LRRC4C: variants seen among roughly 807,000 people sequenced by gnomAD.
LRRC4C encodes the protein leucine rich repeat containing 4C.
Under a neutral mutation model 33.6 loss-of-function variants are expected in LRRC4C, and 5 were observed. That is an observed-to-expected ratio of 0.15 (90% CI 0.08 to 0.31). The LOEUF is 0.31. LRRC4C is among the 10% of genes least tolerant of loss of function. The pLI is 1.00. For missense variants in LRRC4C, 560 were observed against 796.7 expected, an observed-to-expected ratio of 0.70 and a Z score of 3.58; for synonymous variants, 329 against 302.0, an observed-to-expected ratio of 1.09 and a Z score of -0.93.
chr11:40,682,257 G>T (rs1944726646), intron 2 of LRRC4C, among the ~76,000 whole-genome samples: 1 of 148,924 alleles, frequency 6.7e-6, no homozygotes, highest in East Asian at 2.0e-4. Context: ...GTGACAAAGT[G>T]AGGCCCCACC....
chr11:40,940,817 T>C (rs1471828370), intron 1 of LRRC4C, among the ~76,000 whole-genome samples: 3 of 152,094 alleles, frequency 2.0e-5, no homozygotes, highest in Non-Finnish European at 4.4e-5. Flanking sequence ...CATATCCAGT[T>C]ACTAATTATG....
chr11:40,192,764 G>A (rs571704894), intron 5 of LRRC4C, among the ~76,000 whole-genome samples: 6 of 152,214 alleles, frequency 3.9e-5, no homozygotes, highest in Non-Finnish European at 4.4e-5. Context: ...GAGCTTGGTG[G>A]GGGGAGGGGC....
intron 2 of LRRC4C, among the ~76,000 whole-genome samples, 153 bp downstream of exon 2, chr11:40,933,482 C>T (rs529582998): frequency 1.3e-5 from 2 of 152,372 alleles, no homozygotes; most frequent in Admixed American, 6.5e-5. Context: ...GTTGCACTCA[C>T]TTACATTCCG....
At chr11:41,105,068 G>A (rs1023849168) in intron 1 of LRRC4C, among the ~76,000 whole-genome samples, 14 of 151,768 alleles carry the variant, frequency 9.2e-5, no homozygotes, top group African/African-American at 3.1e-4. Context: ...AAAATAAATG[G>A]GTTTATTGTA....
intron 3 of LRRC4C, among the ~76,000 whole-genome samples, chr11:40,642,693 C>A (rs1406179340): frequency 6.6e-6 from 1 of 152,168 alleles, no homozygotes; most frequent in Non-Finnish European, 1.5e-5. Flanking sequence ...TAAATGAATT[C>A]ATTTAATAAT....
At chr11:41,036,077 T>TA (rs5791413) in intron 1 of LRRC4C, among the ~76,000 whole-genome samples, 18 of 150,490 alleles carry the variant, frequency 1.2e-4, no homozygotes, top group African/African-American at 2.9e-4. Flanking sequence ...GTTGTTTTTC[T>TA]AAAAAAAAAA....
intron 1 of LRRC4C, among the ~76,000 whole-genome samples, chr11:41,357,884 T>C (rs1181536077): frequency 6.6e-6 from 1 of 152,120 alleles, no homozygotes; most frequent in Non-Finnish European, 1.5e-5. Context: ...AGAGAGTTAT[T>C]TTGTGGATGT....
chr11:40,954,825 A>G (rs1356421115), intron 1 of LRRC4C, among the ~76,000 whole-genome samples: 1 of 151,752 alleles, frequency 6.6e-6, no homozygotes, highest in Non-Finnish European at 1.5e-5. Context: ...CACTGGAGGT[A>G]ATTTTGGGTC....
At chr11:40,673,896 G>T (rs181300108) in intron 2 of LRRC4C, among the ~76,000 whole-genome samples, 2 of 152,294 alleles carry the variant, frequency 1.3e-5, no homozygotes, top group African/African-American at 4.8e-5. Flanking sequence ...AGATACCAGT[G>T]TTGGTTCTGC....
chr11:40,698,720 A>T (rs1332061251), intron 2 of LRRC4C, among the ~76,000 whole-genome samples: 1 of 152,164 alleles, frequency 6.6e-6, no homozygotes, highest in Non-Finnish European at 1.5e-5. Flanking sequence ...GAGGTTTAAT[A>T]AACTCATAGT....
At chr11:40,554,736 C>CT (rs34678892) in intron 3 of LRRC4C, among the ~76,000 whole-genome samples, 66 of 88,322 alleles carry the variant, frequency 7.5e-4, no homozygotes, top group Non-Finnish European at 9.1e-4. Context: ...GGATTGCATT[C>CT]TTTTTTTTTT....
At chr11:41,449,274 G>C (rs1955940706) in intron 1 of LRRC4C, among the ~76,000 whole-genome samples, 1 of 152,174 alleles carries the variant, frequency 6.6e-6, no homozygotes, top group African/African-American at 2.4e-5. Flanking sequence ...TGTTGGAAAA[G>C]TTGGAGCTAA....
At chr11:40,445,345 G>A (rs1200029719) in intron 3 of LRRC4C, 2 of 152,856 alleles carry the variant, frequency 1.3e-5, no homozygotes, top group African/African-American at 2.4e-5. Flanking sequence ...CATTCATAAG[G>A]GTTTCCACTT....
intron 1 of LRRC4C, among the ~76,000 whole-genome samples, chr11:41,224,232 C>T (rs551351552): frequency 4.6e-5 from 7 of 152,300 alleles, no homozygotes; most frequent in East Asian, 1.9e-4. Flanking sequence ...TACTGACCAA[C>T]CTCTACCTCC....
At position 41,448,467 on chromosome 11, in the gene LRRC4C, G is replaced by T. The variant is rs569781894; in HGVS notation, c.-496+10964C>A. Among the ~76,000 whole-genome samples the T allele has an allele frequency of 2.2e-4, 34 of 151,826 alleles. 1 individual carries two copies. Among genetic ancestry groups the T allele is most frequent in the African/African-American group, 7.5e-4 (31 of 41,410 alleles). On this transcript the variant is annotated intron_variant, in intron 1 of 6. Transcript: ENST00000528697. Reference sequence around the variant, plus strand: ...ATTACAGGCACCTGCCACCATGCCTGGCTAATTTTTGTAGTTTTGGTAGAG... The same window carrying T: ...ATTACAGGCACCTGCCACCATGCCTTGCTAATTTTTGTAGTTTTGGTAGAG...
At chr11:41,022,049 C>T (rs569716208) in intron 1 of LRRC4C, among the ~76,000 whole-genome samples, 99 of 151,288 alleles carry the variant, frequency 6.5e-4, no homozygotes, top group Non-Finnish European at 4.4e-5. Context: ...TGACTTGAAT[C>T]GATATTCACC....
intron 5 of LRRC4C, among the ~76,000 whole-genome samples, chr11:40,176,427 G>A (rs74916801): frequency 0.026 from 3,987 of 152,058 alleles, 183 homozygotes; most frequent in African/African-American, 0.091. Flanking sequence ...AAAAAATAAC[G>A]AAATGAATGA....
chr11:40,813,781 G>A (rs1298112829), intron 2 of LRRC4C, among the ~76,000 whole-genome samples: 4 of 151,818 alleles, frequency 2.6e-5, no homozygotes, highest in Non-Finnish European at 5.9e-5. Context: ...GGAGAAACTG[G>A]CAAAACGAAG....
At chr11:40,431,684 A>G (rs1482475221) in intron 3 of LRRC4C, among the ~76,000 whole-genome samples, 3 of 152,170 alleles carry the variant, frequency 2.0e-5, no homozygotes, top group East Asian at 1.9e-4. Flanking sequence ...TAAGAACCAT[A>G]TTAAATACTT....
Sources: gnomAD v4.1 joint callset for allele counts (sites outside exome capture counted in the v4.1 genomes callset) on GRCh38, gnomAD v4.1.1 for gene constraint, MANE v1.5 for transcripts, NCBI Gene and HGNC (gene_info 2026-07-23, HGNC 2026-07-21) for gene names.